The following MSI2 variants were observed in gnomAD, a reference collection of about 807,000 sequenced individuals.
MSI2 encodes the protein musashi RNA binding protein 2.
In MSI2, 17 loss-of-function variants were observed where a neutral mutation model predicts 45.6. The ratio of observed to expected loss-of-function variants is 0.37; its 90% CI spans 0.26 to 0.56. The LOEUF (loss-of-function observed/expected upper bound fraction) is 0.56. Among genes scored for constraint, MSI2 ranks in the 20% least tolerant of loss-of-function variants. MSI2 has a pLI of 0.77. For missense variants in MSI2, 293 were observed against 444.2 expected, an observed-to-expected ratio of 0.66 and a Z score of 3.06; for synonymous variants, 156 against 158.2, an observed-to-expected ratio of 0.99 and a Z score of 0.11.
chr17:57,502,517 C>T (rs934516009), intron 6 of MSI2, among the ~76,000 whole-genome samples: 6 of 147,850 alleles, frequency 4.1e-5, no homozygotes, highest in Non-Finnish European at 8.9e-5. Flanking sequence ...GTCAGATCTA[C>T]AGTAATTGTG....
chr17:57,378,256 T>G (rs2083535794), intron 5 of MSI2, among the ~76,000 whole-genome samples: 1 of 151,914 alleles, frequency 6.6e-6, no homozygotes, highest in African/African-American at 2.4e-5. Context: ...GGCTAAATTT[T>G]GTTTTTTGTT....
chr17:57,309,164 G>A (rs557093689), intron 5 of MSI2, among the ~76,000 whole-genome samples: 82 of 152,338 alleles, frequency 5.4e-4, no homozygotes, highest in African/African-American at 1.9e-3. Context: ...AAGTGAAAAT[G>A]CACTGTAGAA....
At chr17:57,454,799 G>A (rs2085082059) in intron 6 of MSI2, among the ~76,000 whole-genome samples, 1 of 152,172 alleles carries the variant, frequency 6.6e-6, no homozygotes, top group Non-Finnish European at 1.5e-5. Context: ...GTTCTTCATA[G>A]GCAAGTAGTC....
intron 5 of MSI2, among the ~76,000 whole-genome samples, chr17:57,327,002 C>T (rs1032635845): frequency 3.3e-5 from 5 of 152,168 alleles, no homozygotes; most frequent in African/African-American, 2.4e-5. Flanking sequence ...AAAAACCTCC[C>T]GTGGTTATTG....
At chr17:57,612,140 T>C (rs1907242307) in intron 8 of MSI2, among the ~76,000 whole-genome samples, 1 of 95,434 alleles carries the variant, frequency 1.0e-5, no homozygotes, top group African/African-American at 3.3e-5. Flanking sequence ...CGATGTGGGC[T>C]AACTCAAGAC....
intron 6 of MSI2, among the ~76,000 whole-genome samples, chr17:57,466,169 T>C (rs748310515): frequency 2.2e-4 from 33 of 152,178 alleles, no homozygotes; most frequent in Non-Finnish European, 4.6e-4. Context: ...CACTCTTCAT[T>C]TCTCAATTTG....
At chr17:57,305,320 C>T (rs1012106510) in intron 5 of MSI2, among the ~76,000 whole-genome samples, 4 of 152,150 alleles carry the variant, frequency 2.6e-5, no homozygotes, top group Non-Finnish European at 5.9e-5. Context: ...TCTCTGGAGC[C>T]TCCGATGTTG....
chr17:57,327,887 G>A (rs1598125217), intron 5 of MSI2, among the ~76,000 whole-genome samples: 1 of 152,110 alleles, frequency 6.6e-6, no homozygotes, highest in African/African-American at 2.4e-5. Flanking sequence ...TTGTCAGGCA[G>A]GCCCGTAAAT....
At chr17:57,654,210 T>G (rs566226559) in intron 11 of MSI2, among the ~76,000 whole-genome samples, 2 of 152,310 alleles carry the variant, frequency 1.3e-5, no homozygotes, top group South Asian at 4.1e-4. Context: ...GCAGGGTGTG[T>G]CAGGGGCTTG....
chr17:57,433,877 A>G (rs1405003791), intron 6 of MSI2, among the ~76,000 whole-genome samples: 1 of 152,156 alleles, frequency 6.6e-6, no homozygotes, highest in African/African-American at 2.4e-5. Context: ...GTATGATGTG[A>G]ATATTTTAAA....
At chr17:57,660,223 T>C (rs1911890950) in intron 11 of MSI2, among the ~76,000 whole-genome samples, 2 of 152,220 alleles carry the variant, frequency 1.3e-5, no homozygotes, top group South Asian at 4.1e-4. Flanking sequence ...TGCAGCAGTT[T>C]CTGGCATCAT....
At chr17:57,339,677 A>C (rs1288880340) in intron 5 of MSI2, among the ~76,000 whole-genome samples, 1 of 152,174 alleles carries the variant, frequency 6.6e-6, no homozygotes. Context: ...CTCCAAGGAA[A>C]GATGCTCATG....
chr17:57,536,092 CAA>C (rs34048164), intron 7 of MSI2, among the ~76,000 whole-genome samples: 21 of 149,776 alleles, frequency 1.4e-4, no homozygotes, highest in Admixed American at 2.7e-4. Context: ...GTCTATTACT[CAA>C]AAAAAAAAAG....
intron 5 of MSI2, among the ~76,000 whole-genome samples, chr17:57,385,029 C>A (rs1295156975): frequency 6.6e-6 from 1 of 152,176 alleles, no homozygotes; most frequent in African/African-American, 2.4e-5. Flanking sequence ...GTCTCCTACT[C>A]TCTCTTAAAT....
At chr17:57,359,134 G>C (rs1469939702) in intron 5 of MSI2, among the ~76,000 whole-genome samples, 2 of 152,098 alleles carry the variant, frequency 1.3e-5, no homozygotes, top group African/African-American at 4.8e-5. Flanking sequence ...TGCATCTTAT[G>C]CACTCTCTCC....
intron 5 of MSI2, among the ~76,000 whole-genome samples, chr17:57,289,819 T>C (rs1325330772): frequency 6.6e-6 from 1 of 152,240 alleles, no homozygotes; most frequent in Non-Finnish European, 1.5e-5. Context: ...CACCCTGCTC[T>C]TGTGAGAAGC....
chr17:57,394,855 G>C (rs1291149494), intron 5 of MSI2, among the ~76,000 whole-genome samples: 1 of 152,256 alleles, frequency 6.6e-6, no homozygotes, highest in African/African-American at 2.4e-5. Flanking sequence ...CAAGGCAGTG[G>C]TGTCCTTGCG....
chr17:57,542,918 C>A (rs936200808), intron 7 of MSI2, among the ~76,000 whole-genome samples: 4 of 152,204 alleles, frequency 2.6e-5, no homozygotes, highest in African/African-American at 9.6e-5. Flanking sequence ...CTTCTCAGTT[C>A]TTAATGATTG....
intron 5 of MSI2, among the ~76,000 whole-genome samples, chr17:57,398,807 G>A (rs2083936947): frequency 6.6e-6 from 1 of 152,152 alleles, no homozygotes; most frequent in African/African-American, 2.4e-5. Flanking sequence ...CGCACTTAAT[G>A]TATCTGTTGA....
Sources: gnomAD v4.1 joint callset for allele counts (sites outside exome capture counted in the v4.1 genomes callset) on GRCh38, gnomAD v4.1.1 for gene constraint, MANE v1.5 for transcripts, NCBI Gene and HGNC (gene_info 2026-07-23, HGNC 2026-07-21) for gene names.